Variants in CELSR1 observed in about 807,000 individuals in gnomAD.
The protein encoded by CELSR1 is cadherin EGF LAG seven-pass G-type receptor 1.
A neutral mutation model predicts 249.1 loss-of-function variants in CELSR1; 110 were observed. That is an observed-to-expected ratio of 0.44 (90% CI 0.38 to 0.52). The LOEUF is 0.52. Among genes scored for constraint, CELSR1 ranks in the 20% least tolerant of loss-of-function variants. The pLI, the probability that CELSR1 is intolerant of heterozygous loss-of-function variation, is 0.00. For synonymous variants in CELSR1, 2,113 were observed against 1,900.0 expected (o/e 1.11, Z -2.92); for missense variants, 4,109 against 4,296.4 (o/e 0.96, Z 1.22).
At chr22:46,452,008 C>T (rs540377160) in intron 2 of CELSR1, among the ~76,000 whole-genome samples, 2 of 152,126 alleles carry the variant, frequency 1.3e-5, no homozygotes, top group Non-Finnish European at 1.5e-5. Context: ...CACCAGGCGC[C>T]GGGGAGGCAG....
At chr22:46,529,829 T>C (rs1390524466) in intron 1 of CELSR1, among the ~76,000 whole-genome samples, 1 of 151,768 alleles carries the variant, frequency 6.6e-6, no homozygotes, top group African/African-American at 2.4e-5. Flanking sequence ...TAAGACCTAG[T>C]ATTTAGCCCA....
intron 19 of CELSR1, among the ~76,000 whole-genome samples, chr22:46,386,162 G>T (rs1158984351): frequency 2.0e-5 from 3 of 152,078 alleles, no homozygotes; most frequent in African/African-American, 7.2e-5. Context: ...TAGAGATGGG[G>T]TTTCACCATT....
At position 46,362,641 on chromosome 22, in the gene CELSR1, A is replaced by G. The variant is rs1427010634; in HGVS notation, c.*582T>C. 6.5e-6 allele frequency: 1 copy of G among 153,954 alleles called. No homozygotes were observed. Among genetic ancestry groups the G allele is most frequent in the Non-Finnish European group, 1.4e-5 (1 of 68,970 alleles). 9.5% of individuals were successfully genotyped at this position (153,954 alleles called of 1,614,324 possible). A position where few individuals can be genotyped will look rare whatever the true frequency, so the allele number is the denominator to read the frequency against. The stretch of plus-strand genomic sequence containing the variant: ...ATCATTGCATGGATCTCTCGGGATA[A>G]CAAAGTCAGCACGAATGCAATATAT... On this transcript the variant is annotated 3_prime_UTR_variant, in exon 35 of 35. Transcript: ENST00000674500.
Position 46,446,869 on chromosome 22 carries a change from A to G in CELSR1, c.4184-7458T>C, listed in dbSNP as rs2079827108. Among the ~76,000 whole-genome samples, 1 of 152,090 alleles carries G rather than the reference A, an allele frequency of 6.6e-6. No individual in the cohort carries two copies. Among genetic ancestry groups the G allele is most frequent in the Admixed American group, 6.6e-5 (1 of 15,266 alleles). On this transcript the variant is annotated intron_variant, in intron 2 of 34. Coordinates refer to ENST00000674500, the MANE Select transcript of CELSR1 (RefSeq NM_001378328.1). This position sits in a 1 kb window ranked among gnomAD's most constrained non-coding sequence, Gnocchi z 5.5. ...AGAACCAAGAGCAACTGGGTTCTGG[A>G]TGAACTGGACCAGCCGGGGAAGGTC...
Position 46,417,176 on chromosome 22 carries a change from C to T in CELSR1, c.4612-5417G>A, listed in dbSNP as rs1249954529. Among the ~76,000 whole-genome samples the T allele has an allele frequency of 6.6e-6, 1 of 152,162 alleles. No individual in the cohort carries two copies. The highest frequency in any genetic ancestry group is 1.5e-5 in the Non-Finnish European group (1 of 68,020). On this transcript the variant is annotated intron_variant, in intron 5 of 34. Coordinates refer to ENST00000674500, the MANE Select transcript of CELSR1 (RefSeq NM_001378328.1). The surrounding 1 kb of genome is among the most constrained non-coding windows in gnomAD (Gnocchi z 4.1). ...TCAGGCCTGTCTGGCCGACAAATGC[C>T]CCAGGAAATGTGGGCAAGACCCCGT...
intron 9 of CELSR1, among the ~76,000 whole-genome samples, chr22:46,405,907 T>C (rs1282430206): frequency 6.6e-6 from 1 of 152,150 alleles, no homozygotes; most frequent in African/African-American, 2.4e-5. Flanking sequence ...GACCGGCCTC[T>C]GCGAGCTGCC....
rs554573435 is a variant in CELSR1, at chr22:46,446,653, C to T, written c.4184-7242G>A. On this transcript the variant is annotated intron_variant, in intron 2 of 34. Coordinates refer to ENST00000674500, the MANE Select transcript of CELSR1 (RefSeq NM_001378328.1). The surrounding 1 kb of genome is among the most constrained non-coding windows in gnomAD (Gnocchi z 5.5). ...GGTCCATAGCAGGTACTGACAGACA[C>T]TTGTGAAATGAAGTCAAAAAATGCC... Among the ~76,000 whole-genome samples the T allele has an allele frequency of 2.6e-4, 40 of 152,208 alleles. No homozygotes were observed. The highest frequency in any genetic ancestry group is 8.7e-4 in the African/African-American group (36 of 41,520).
At chr22:46,450,829 G>T (rs1215428298) in intron 2 of CELSR1, among the ~76,000 whole-genome samples, 1 of 152,214 alleles carries the variant, frequency 6.6e-6, no homozygotes, top group African/African-American at 2.4e-5. Flanking sequence ...TTCCCCAGCT[G>T]TAATAAATCC....
In CELSR1 at chr22:46,534,651, G is replaced by A; in HGVS notation, c.2520C>T (p.Asp840=). 1.2e-6 allele frequency: 2 copies of A among 1,613,912 alleles called. No individual in the cohort carries two copies. Among genetic ancestry groups the A allele is most frequent in the East Asian group, 2.2e-5 (1 of 44,880 alleles). ...CCATCATGGTGTACATGGTGCCACT[G>A]TCGGGGTCAATGCGGAACTGCGGCA... is the stretch of plus-strand genomic sequence containing the variant. The part of the protein sequence containing the change: ...DPVPQFRIDP[D]SGTMYTMMEL... The change falls in exon 1 of 35, where the codon GAC becomes GAT. Residue 840 remains aspartate (D), a synonymous_variant. Transcript: ENST00000674500. This position sits in a 1 kb window ranked among gnomAD's most constrained non-coding sequence, Gnocchi z 9.7.
intron 1 of CELSR1, among the ~76,000 whole-genome samples, chr22:46,508,497 T>G (rs557396185): frequency 7.1e-6 from 1 of 140,640 alleles, no homozygotes; most frequent in African/African-American, 2.6e-5. Context: ...CAGAGCCCTT[T>G]GTTGCTGAGC....
chr22:46,380,098 G>T lies in CELSR1; in HGVS notation c.7256+690C>A, dbSNP rs933811558. Among the ~76,000 whole-genome samples the T allele has an allele frequency of 2.3e-4, 35 of 152,222 alleles. No individual in the cohort carries two copies. Among genetic ancestry groups the T allele is most frequent in the African/African-American group, 7.2e-4 (30 of 41,460 alleles). On this transcript the variant is annotated intron_variant, in intron 22 of 34. Coordinates refer to ENST00000674500, the MANE Select transcript of CELSR1 (RefSeq NM_001378328.1). The surrounding 1 kb of genome is among the most constrained non-coding windows in gnomAD (Gnocchi z 5.1). ...CAAACACTACTGGCTCCCAGCAGACGGGAGCCACACTGTGGTGCTGAATCC... is the reference window on the plus strand; with the variant it reads ...CAAACACTACTGGCTCCCAGCAGACTGGAGCCACACTGTGGTGCTGAATCC...
intron 2 of CELSR1, among the ~76,000 whole-genome samples, chr22:46,442,306 C>T (rs567349397): frequency 4.1e-4 from 62 of 152,392 alleles, no homozygotes; most frequent in African/African-American, 1.3e-3. Flanking sequence ...CGGCCCAGTT[C>T]CACTGCCCTC....
At position 46,433,416 on chromosome 22, in the gene CELSR1, C is replaced by G; in HGVS notation, c.4588G>C (p.Val1530Leu). The G allele has an allele frequency of 6.2e-7, 1 of 1,613,912 alleles. No individual in the cohort carries two copies. Among genetic ancestry groups the G allele is most frequent in the African/African-American group, 1.3e-5 (1 of 75,054 alleles). ...ACCTTGTTGTAGTACTGCACCTGCA[C>G]AGAGTGCCACCGCCCGTCACTCACA... is the stretch of plus-strand genomic sequence containing the variant. ...SGVSDGRWHSVQVQYYNKPNI... is the reference protein window; with the variant it reads ...SGVSDGRWHSLQVQYYNKPNI... The change falls in exon 5 of 35, where the codon GTG (valine) becomes CTG (leucine). Residue 1530 changes from valine to leucine, a missense_variant. This residue lies in a region of CELSR1 where 453 missense variants were observed against 492.0 expected (regional missense o/e 0.92). Coordinates refer to ENST00000674500, the MANE Select transcript of CELSR1 (RefSeq NM_001378328.1). The surrounding 1 kb of genome is among the most constrained non-coding windows in gnomAD (Gnocchi z 5.7).
In CELSR1 at chr22:46,380,939, T is replaced by C. The variant is rs775222026; in HGVS notation, c.7105A>G (p.Ile2369Val). The C allele has an allele frequency of 1.4e-5, 23 of 1,612,836 alleles. No individual in the cohort carries two copies. Among genetic ancestry groups the C allele is most frequent in the African/African-American group, 4.0e-5 (3 of 74,864 alleles). Reference sequence around the variant, plus strand: ...GTGCTCACCATCGGGGTATTAATGATGGGCCGGTGAGGCAACCTGAGGTCA... The same window carrying C: ...GTGCTCACCATCGGGGTATTAATGACGGGCCGGTGAGGCAACCTGAGGTCA... Reference protein sequence around the residue: ...RRSLRLPHRPIINTPMVSTLV... With the variant: ...RRSLRLPHRPVINTPMVSTLV... Residue 2369 changes from isoleucine (I) to valine (V), a missense_variant, in exon 22 of 35, where the codon ATC becomes GTC. Ile to Val is a conservative substitution (Grantham distance 29). Around this residue, in one of 7 missense-constraint regions of CELSR1, gnomAD observed 1,805 missense variants for 1,831.6 expected, o/e 0.99. Transcript: ENST00000674500. This position sits in a 1 kb window ranked among gnomAD's most constrained non-coding sequence, Gnocchi z 5.1.
At chr22:46,366,212 G>A (rs112610649) in intron 30 of CELSR1, among the ~76,000 whole-genome samples, 174 bp downstream of exon 30, 1 of 71,988 alleles carries the variant, frequency 1.4e-5, no homozygotes, top group Admixed American at 1.1e-4. Flanking sequence ...GGTGCGAGGC[G>A]GGGAGGGAAG....
In CELSR1 at chr22:46,390,545, G is replaced by A. The variant is rs1602065856; in HGVS notation, c.6251-59C>T. On this transcript the variant is annotated intron_variant, in intron 16 of 34. Coordinates refer to ENST00000674500, the MANE Select transcript of CELSR1 (RefSeq NM_001378328.1). The surrounding 1 kb of genome is among the most constrained non-coding windows in gnomAD (Gnocchi z 6.3). ...ACTCAAACTGTTGATCAATGCTTGT[G>A]TATTTCAATCCACAATCTGAATATA... 1.5e-6 allele frequency: 2 copies of A among 1,350,972 alleles called. No homozygotes were observed. The highest frequency in any genetic ancestry group is 2.3e-5 in the East Asian group (1 of 42,610). The allele number at this position is 1,350,972 out of a possible 1,614,324, so 83.7% of individuals were successfully genotyped here.
At position 46,390,287 on chromosome 22, in the gene CELSR1, C is replaced by T; in HGVS notation, c.6345+105G>A. 1.1e-6 allele frequency: 1 copy of T among 941,408 alleles called. No individual in the cohort carries two copies. The highest frequency in any genetic ancestry group is 2.7e-5 in the East Asian group (1 of 36,982). The allele number at this position is 941,408 out of a possible 1,614,324, so 58.3% of individuals were successfully genotyped here. A position where few individuals can be genotyped will look rare whatever the true frequency, so the allele number is the denominator to read the frequency against. Reference sequence around the variant, plus strand: ...GGCTGTCCCTGCGCCATCCCAGCCGCCCCAACACTCCCCAGCCCAGGAGCC... The same window carrying T: ...GGCTGTCCCTGCGCCATCCCAGCCGTCCCAACACTCCCCAGCCCAGGAGCC... On this transcript the variant is annotated intron_variant, in intron 17 of 34. Coordinates refer to ENST00000674500, the MANE Select transcript of CELSR1 (RefSeq NM_001378328.1). The surrounding 1 kb of genome is among the most constrained non-coding windows in gnomAD (Gnocchi z 6.3).
rs768116732 is a variant in CELSR1, at chr22:46,363,970, C to T, written c.9035+26G>A. The T allele has an allele frequency of 6.4e-6, 10 of 1,562,282 alleles. No homozygotes were observed. The Admixed American group carries it at 2.0e-4, about 31-fold the overall frequency. On this transcript the variant is annotated intron_variant, in intron 34 of 34. Transcript: ENST00000674500. The surrounding 1 kb of genome is among the most constrained non-coding windows in gnomAD (Gnocchi z 4.3). ...AGGACAAGGGGGAAGTGGGTGATCCCCGCCCTGGAGGCCCAGGCTACTCAC... is the reference window on the plus strand; with the variant it reads ...AGGACAAGGGGGAAGTGGGTGATCCTCGCCCTGGAGGCCCAGGCTACTCAC...
At chr22:46,483,959 C>A (rs536988733) in intron 1 of CELSR1, among the ~76,000 whole-genome samples, 3 of 152,326 alleles carry the variant, frequency 2.0e-5, no homozygotes, top group Non-Finnish European at 4.4e-5. Context: ...GGTGTAACAA[C>A]AAAGGCACTG....
Sources: gnomAD v4.1 joint callset for allele counts (sites outside exome capture counted in the v4.1 genomes callset) on GRCh38, gnomAD v4.1.1 for gene constraint, gnomAD v4.1.1 regional missense constraint, Gnocchi (gnomAD v3.1) non-coding constraint, MANE v1.5 for transcripts, NCBI Gene and HGNC (gene_info 2026-07-23, HGNC 2026-07-21) for gene names.